SUGCT: variants seen among roughly 807,000 people sequenced by gnomAD.
SUGCT encodes the protein succinyl-CoA:glutarate CoA-transferase.
SUGCT carries 41 observed loss-of-function variants against 55.0 expected under a neutral mutation model. The ratio of observed to expected loss-of-function variants is 0.74; its 90% CI spans 0.58 to 0.97. The LOEUF (loss-of-function observed/expected upper bound fraction) is 0.97. Ranked by LOEUF, SUGCT falls within the 50% of genes least tolerant of loss-of-function variation. SUGCT has a pLI of 0.00. For synonymous variants in SUGCT, 187 were observed against 200.4 expected (o/e 0.93, Z 0.56); for missense variants, 568 against 547.8 (o/e 1.04, Z -0.37).
intron 9 of SUGCT, among the ~76,000 whole-genome samples, chr7:40,444,792 G>A (rs1224179518): frequency 6.6e-6 from 1 of 152,120 alleles, no homozygotes; most frequent in Non-Finnish European, 1.5e-5. Context: ...GGGCATCCTT[G>A]TCTTGTGCCA....
intron 1 of SUGCT, among the ~76,000 whole-genome samples, chr7:40,169,351 G>A (rs1328141591): frequency 6.6e-6 from 1 of 152,130 alleles, no homozygotes; most frequent in African/African-American, 2.4e-5. Context: ...CAGTTGTCCG[G>A]GACAGGAGAG....
intron 12 of SUGCT, among the ~76,000 whole-genome samples, chr7:40,644,817 T>C (rs566002115): frequency 6.6e-6 from 1 of 152,222 alleles, no homozygotes; most frequent in East Asian, 1.9e-4. Flanking sequence ...CACCGAAACT[T>C]GCCCTCCTCA....
intron 11 of SUGCT, among the ~76,000 whole-genome samples, chr7:40,459,522 CAAT>C (rs1416516402): frequency 6.6e-6 from 1 of 152,064 alleles, no homozygotes; most frequent in Admixed American, 6.6e-5. Context: ...ACAACAACAA[CAAT>C]AATAATTTAA....
chr7:40,189,097 A>C (rs981680815), intron 4 of SUGCT, among the ~76,000 whole-genome samples: 5 of 152,224 alleles, frequency 3.3e-5, no homozygotes, highest in African/African-American at 1.2e-4. Context: ...TAATCCCAGC[A>C]CTTTGGGTGG....
At chr7:40,798,422 GA>G (rs1408573759) in intron 13 of SUGCT, among the ~76,000 whole-genome samples, 2 of 152,156 alleles carry the variant, frequency 1.3e-5, no homozygotes, top group African/African-American at 4.8e-5. Context: ...TTTTAAAAGG[GA>G]AAATATGTGT....
At chr7:40,906,040 T>C in the SUGCT span, among the ~76,000 whole-genome samples, 1 of 152,306 alleles carries the variant, frequency 6.6e-6, no homozygotes, top group African/African-American at 2.4e-5. Flanking sequence ...TTAACCATTT[T>C]TAAGTGTATA....
At chr7:40,682,083 A>G (rs1417208503) in intron 12 of SUGCT, among the ~76,000 whole-genome samples, 1 of 152,120 alleles carries the variant, frequency 6.6e-6, no homozygotes, top group Non-Finnish European at 1.5e-5. Flanking sequence ...TAAGTTGCTC[A>G]TTTACTTCTC....
At position 40,165,286 on chromosome 7, in the gene SUGCT, G is replaced by T. The variant is rs1584234096; in HGVS notation, c.101-15661G>T. Among the ~76,000 whole-genome samples the T allele has an allele frequency of 3.9e-5, 6 of 152,154 alleles. No homozygotes were observed. In the East Asian group the frequency reaches 1.2e-3, roughly 29 times the overall value. On this transcript the variant is annotated intron_variant, in intron 1 of 13. Transcript: ENST00000335693. ...TAGTTGGCTAGTATGGGTGGGAAGG[G>T]ATGCCATGATTCCTGTCACACAGAT...
chr7:40,333,690 TATATATATATATAA>T (rs1252645911), intron 9 of SUGCT, among the ~76,000 whole-genome samples: 5 of 122,726 alleles, frequency 4.1e-5, no homozygotes, highest in Non-Finnish European at 6.6e-5. Context: ...TATATATATA[TATATATATATATAA>T]ATATTTATAA....
chr7:40,387,954 A>T (rs2151295178), intron 9 of SUGCT: 1 of 152,302 alleles, frequency 6.6e-6, no homozygotes. Context: ...TAAGCGGATG[A>T]GTTGGAATCG....
intron 11 of SUGCT, among the ~76,000 whole-genome samples, chr7:40,488,220 T>C (rs941923528): frequency 4.6e-5 from 7 of 151,264 alleles, no homozygotes; most frequent in Non-Finnish European, 8.8e-5. Flanking sequence ...TTACTTTTTG[T>C]GTATTTTTTC....
intron 13 of SUGCT, among the ~76,000 whole-genome samples, chr7:40,779,264 C>A (rs1333372091): frequency 2.0e-5 from 3 of 152,152 alleles, no homozygotes; most frequent in African/African-American, 7.2e-5. Context: ...ATTTCCTAAG[C>A]AGAGCTGATA....
At chr7:40,735,127 C>T (rs943461867) in intron 12 of SUGCT, among the ~76,000 whole-genome samples, 5 of 152,078 alleles carry the variant, frequency 3.3e-5, no homozygotes, top group African/African-American at 1.2e-4. Flanking sequence ...TTTGTGGACT[C>T]CTGTGCTGGA....
At chr7:40,957,621 T>C in the SUGCT span, among the ~76,000 whole-genome samples, 1 of 152,110 alleles carries the variant, frequency 6.6e-6, no homozygotes, top group African/African-American at 2.4e-5. Context: ...TGTCTTTTAA[T>C]TGGGGTATTT....
chr7:40,236,969 A>C (rs1789055597), intron 6 of SUGCT, among the ~76,000 whole-genome samples: 1 of 151,924 alleles, frequency 6.6e-6, no homozygotes, highest in Non-Finnish European at 1.5e-5. Context: ...AGTGGCTGGG[A>C]TTATAGGCAT....
intron 13 of SUGCT, among the ~76,000 whole-genome samples, chr7:40,769,864 C>T (rs1584412472): frequency 6.6e-6 from 1 of 152,298 alleles, no homozygotes; most frequent in East Asian, 1.9e-4. Flanking sequence ...GCCAAGGCCC[C>T]AAATGTACAC....
At chr7:40,685,442 A>G (rs1784423354) in intron 12 of SUGCT, among the ~76,000 whole-genome samples, 1 of 151,970 alleles carries the variant, frequency 6.6e-6, no homozygotes, top group Non-Finnish European at 1.5e-5. Flanking sequence ...ATTTTCTAGA[A>G]CCCTGTTTTC....
intron 12 of SUGCT, among the ~76,000 whole-genome samples, chr7:40,559,486 C>G (rs540259033): frequency 6.6e-6 from 1 of 152,206 alleles, no homozygotes; most frequent in South Asian, 2.1e-4. Context: ...AATTGTCCTA[C>G]CTGTCCCATA....
chr7:40,202,336 C>A (rs563715316), intron 6 of SUGCT, among the ~76,000 whole-genome samples: 2 of 152,240 alleles, frequency 1.3e-5, no homozygotes, highest in East Asian at 3.9e-4. Context: ...AGACTCTTGT[C>A]CAGTTTATGA....
Sources: allele counts gnomAD v4.1 joint callset (sites outside exome capture counted in the v4.1 genomes callset), GRCh38; gene constraint gnomAD v4.1.1; transcripts MANE v1.5; gene names NCBI Gene and HGNC (gene_info 2026-07-23, HGNC 2026-07-21).